Variants in RBFOX2 observed in about 807,000 individuals in gnomAD.
The protein encoded by RBFOX2 is RNA binding protein fox-1 homolog 2.
A neutral mutation model predicts 49.1 loss-of-function variants in RBFOX2; 10 were observed. The ratio of observed to expected loss-of-function variants is 0.20; its 90% CI spans 0.13 to 0.35. The LOEUF is 0.35. Ranked by LOEUF, RBFOX2 falls within the 10% of genes least tolerant of loss-of-function variation. The probability of loss-of-function intolerance (pLI) is 1.00; values close to 1 mark genes in which losing one functional copy is unlikely to be tolerated. For synonymous variants in RBFOX2, 183 were observed against 187.4 expected, an observed-to-expected ratio of 0.98 and a Z score of 0.19; for missense variants, 323 against 486.9, an observed-to-expected ratio of 0.66 and a Z score of 3.17.
chr22:36,007,785 T>C (rs1369918577), intron 1 of RBFOX2, among the ~76,000 whole-genome samples: 1 of 152,220 alleles, frequency 6.6e-6, no homozygotes, highest in African/African-American at 2.4e-5. Context: ...TACACTCTTC[T>C]GTACTTTGAT....
intron 1 of RBFOX2, among the ~76,000 whole-genome samples, chr22:35,854,520 G>T (rs1254318010): frequency 6.6e-6 from 1 of 151,806 alleles, no homozygotes; most frequent in African/African-American, 2.4e-5. Flanking sequence ...CATAAACCCA[G>T]GAGGTCAAGG....
At chr22:35,843,786 C>A (rs1237779607), upstream of RBFOX2, among the ~76,000 whole-genome samples, 1 of 152,150 alleles carries the variant, frequency 6.6e-6, no homozygotes, top group African/African-American at 2.4e-5. Flanking sequence ...AGGTTCTTAA[C>A]CCAAAGTGCA....
intron 1 of RBFOX2, among the ~76,000 whole-genome samples, chr22:35,958,570 G>C (rs912338815): frequency 6.6e-6 from 1 of 152,068 alleles, no homozygotes; most frequent in East Asian, 1.9e-4. Flanking sequence ...CCTACTACTA[G>C]TGTCCTCAGA....
intron 1 of RBFOX2, among the ~76,000 whole-genome samples, chr22:35,845,838 T>C (rs1291833681): frequency 6.6e-6 from 1 of 152,218 alleles, no homozygotes; most frequent in Non-Finnish European, 1.5e-5. Flanking sequence ...GAATATGCCA[T>C]GCCTCTATTA....
chr22:35,991,792 G>A (rs2057994694), intron 1 of RBFOX2, among the ~76,000 whole-genome samples: 1 of 152,142 alleles, frequency 6.6e-6, no homozygotes, highest in South Asian at 2.1e-4. Context: ...ACCAGATTCA[G>A]GTTTCTGGCA....
Position 35,869,365 on chromosome 22 carries a change from T to C in RBFOX2, c.-33-59361A>G, listed in dbSNP as rs1284181177. On this transcript the variant is annotated intron_variant, in intron 1 of 13. Transcript: ENST00000359369. ...TAAAGACAGGGTTTCACTTGTCCAG[T>C]CCAGGCTGGTCTGGAACTCCTGACC... Among the ~76,000 whole-genome samples, 5 of 149,306 alleles carry C rather than the reference T, an allele frequency of 3.3e-5. No individual in the cohort carries two copies. In the Admixed American group the frequency reaches 3.4e-4, roughly 10 times the overall value.
At position 36,028,397 on chromosome 22, in the gene RBFOX2, G is replaced by T. The variant is rs1433090144; in HGVS notation, c.29C>A (p.Pro10Gln). The T allele has an allele frequency of 1.9e-5, 24 of 1,257,266 alleles. No homozygotes were observed. The highest frequency in any genetic ancestry group is 4.2e-5 in the Admixed American group (1 of 23,544). The allele number at this position is 1,257,266 out of a possible 1,614,324, so 77.9% of individuals were successfully genotyped here. ...GGCGGCGCCGGGCCCGAGCTGAGGC[G>T]GCTGATGCGGCTGGGCGCCCTCCGC... The change falls in exon 1 of 14, where the codon CCG becomes CAG. Residue 10 changes from proline (P) to glutamine (Q), a missense_variant. Transcript: ENST00000438146.
In RBFOX2 at chr22:35,782,999, A is replaced by G. The variant is rs553281452; in HGVS notation, c.253-1253T>C. 2.0e-5 allele frequency among the ~76,000 whole-genome samples: 3 copies of G among 152,212 alleles called. No individual in the cohort carries two copies. The South Asian group carries it at 6.2e-4, about 32-fold the overall frequency. On this transcript the variant is annotated intron_variant, in intron 2 of 11. Coordinates refer to ENST00000405409, the Ensembl canonical transcript of RBFOX2. ...CAGGACAGCTACTGTATGTGCCTGCACTCTGTTATTTTCTAGTTTGTTTTC... is the reference window on the plus strand; with the variant it reads ...CAGGACAGCTACTGTATGTGCCTGCGCTCTGTTATTTTCTAGTTTGTTTTC...
intron 1 of RBFOX2, chr22:35,898,258 G>T: frequency 1.3e-6 from 1 of 752,738 alleles, no homozygotes; most frequent in East Asian, 2.5e-5. Flanking sequence ...ACTGACTTGA[G>T]GAACATTCAC....
intron 1 of RBFOX2, among the ~76,000 whole-genome samples, chr22:35,921,247 T>A (rs745964730): frequency 6.6e-6 from 1 of 152,228 alleles, no homozygotes; most frequent in Non-Finnish European, 1.5e-5. Flanking sequence ...ACTTGGCACA[T>A]AGTCTTCCAT....
intron 1 of RBFOX2, chr22:35,995,003 CTGAGA>C (rs1228534985): frequency 1.3e-5 from 2 of 152,148 alleles, no homozygotes; most frequent in Non-Finnish European, 2.9e-5. Context: ...ATTGTCTTTA[CTGAGA>C]TATCTCATTT....
At chr22:36,023,569 G>C (rs1355312716) in intron 1 of RBFOX2, among the ~76,000 whole-genome samples, 1 of 152,100 alleles carries the variant, frequency 6.6e-6, no homozygotes, top group East Asian at 1.9e-4. Context: ...CCACTACATT[G>C]TATAGAGCGT....
chr22:35,846,175 A>G (rs997471520), intron 1 of RBFOX2, among the ~76,000 whole-genome samples: 1 of 149,954 alleles, frequency 6.7e-6, no homozygotes, highest in Non-Finnish European at 1.5e-5. Flanking sequence ...CTATAATTAT[A>G]AACTTGCATA....
chr22:35,786,419 TA>T (rs1302597625), intron 2 of RBFOX2, among the ~76,000 whole-genome samples: 1 of 152,220 alleles, frequency 6.6e-6, no homozygotes, highest in African/African-American at 2.4e-5. Flanking sequence ...AATTGAAGTT[TA>T]ACATACATAG....
Position 35,845,652 on chromosome 22 carries a change from A to T in RBFOX2, c.-33-35648T>A, listed in dbSNP as rs1388607319. Among the ~76,000 whole-genome samples, 7 of 152,334 alleles carry T rather than the reference A, an allele frequency of 4.6e-5. No homozygotes were observed. The East Asian group carries it at 1.3e-3, about 29-fold the overall frequency. ...CCAGATAACTAGAGTCATACATACA[A>T]CTGAAATTATGTGTACATTGTACAC... On this transcript the variant is annotated intron_variant, in intron 1 of 13. Transcript: ENST00000359369.
chr22:35,857,358 T>C (rs543777715), intron 1 of RBFOX2, among the ~76,000 whole-genome samples: 1 of 152,134 alleles, frequency 6.6e-6, no homozygotes, highest in Non-Finnish European at 1.5e-5. Flanking sequence ...AAAATACATA[T>C]TAGCAGTAGG....
At chr22:36,027,957 G>C (rs1257304412) in intron 1 of RBFOX2, among the ~76,000 whole-genome samples, 1 of 152,028 alleles carries the variant, frequency 6.6e-6, no homozygotes, top group Non-Finnish European at 1.5e-5. Flanking sequence ...TGAAAAAATG[G>C]AATCCATCTC....
At chr22:35,919,902 G>A (rs985638499) in intron 1 of RBFOX2, among the ~76,000 whole-genome samples, 4 of 152,110 alleles carry the variant, frequency 2.6e-5, no homozygotes, top group African/African-American at 9.7e-5. Context: ...CTACGAAAAC[G>A]ACTGGGCTAT....
chr22:35,788,392 TC>T (rs1053269059), intron 2 of RBFOX2, among the ~76,000 whole-genome samples: 6 of 151,910 alleles, frequency 3.9e-5, no homozygotes, highest in African/African-American at 1.2e-4. Context: ...TTTTTCCTCT[TC>T]CCCCCCGTCC....
Sources: allele counts gnomAD v4.1 joint callset (sites outside exome capture counted in the v4.1 genomes callset), GRCh38; gene constraint gnomAD v4.1.1; transcripts MANE v1.5; gene names NCBI Gene and HGNC (gene_info 2026-07-23, HGNC 2026-07-21).